Variants in SH2D6 observed in about 807,000 individuals in gnomAD.
The protein encoded by SH2D6 is SH2 domain-containing protein 6.
A neutral mutation model predicts 30.2 loss-of-function variants in SH2D6; 31 were observed. The ratio of observed to expected loss-of-function variants is 1.03; its 90% CI spans 0.77 to 1.38. The LOEUF (loss-of-function observed/expected upper bound fraction) is 1.38, where lower values mean the gene tolerates loss of function less well. Ranked by LOEUF, SH2D6 falls within the 40% of genes most tolerant of loss-of-function variation. The pLI is 0.00. For synonymous variants in SH2D6, 93 were observed against 104.6 expected, an observed-to-expected ratio of 0.89 and a Z score of 0.68; for missense variants, 240 against 266.8, an observed-to-expected ratio of 0.90 and a Z score of 0.70.
chr2:85,427,926 G>C (rs1209675490), intron 6 of SH2D6, among the ~76,000 whole-genome samples: 1 of 151,984 alleles, frequency 6.6e-6, no homozygotes, highest in Non-Finnish European at 1.5e-5. Flanking sequence ...CCCCAGCCTG[G>C]TGGCCCCCAA....
Position 85,431,887 on chromosome 2 carries a change from C to G in SH2D6, c.310-12C>G, listed in dbSNP as rs1172802892. 6.5e-6 allele frequency: 1 copy of G among 152,730 alleles called. No homozygotes were observed. Among genetic ancestry groups the G allele is most frequent in the East Asian group, 1.9e-4 (1 of 5,190 alleles). The allele number at this position is 152,730 out of a possible 1,614,324, so 9.5% of individuals were successfully genotyped here. ...TCACCATCTGCGCTCACCAGCCCCA[C>G]TGTGCCCACAGCTGAAGGGAGCAGT... On this transcript the variant is annotated splice_polypyrimidine_tract_variant and intron_variant, in intron 13 of 23. Transcript: ENST00000469800.
chr2:85,420,416 G>A lies in SH2D6; in HGVS notation c.-577+1172G>A, dbSNP rs538845458. ...ATTACAGGCATGAGCCACCGTGCCC[G>A]GACTGAGCCCATTCTCTTATTATTA... On this transcript the variant is annotated intron_variant, in intron 2 of 23. Coordinates refer to ENST00000469800, the MANE Select transcript of SH2D6 (RefSeq NM_001394463.1). Among the ~76,000 whole-genome samples, 52 of 152,314 alleles carry A rather than the reference G, an allele frequency of 3.4e-4. No individual in the cohort carries two copies. In the South Asian group the frequency reaches 9.5e-3, roughly 28 times the overall value.
intron 5 of SH2D6, among the ~76,000 whole-genome samples, chr2:85,424,195 C>G (rs1191177697): frequency 1.3e-5 from 2 of 152,222 alleles, no homozygotes; most frequent in Admixed American, 1.3e-4. Flanking sequence ...TGGGTTCCCA[C>G]TCTGCTGGGA....
chr2:85,432,464 A>G (rs1688826950), intron 14 of SH2D6, among the ~76,000 whole-genome samples: 1 of 151,486 alleles, frequency 6.6e-6, no homozygotes, highest in Non-Finnish European at 1.5e-5. Context: ...CAGTGGCGCA[A>G]TCTCGGCTCA....
At chr2:85,432,635 C>T (rs556957347) in intron 14 of SH2D6, among the ~76,000 whole-genome samples, 97 of 151,976 alleles carry the variant, frequency 6.4e-4, no homozygotes, top group African/African-American at 2.2e-3. Flanking sequence ...CTCCTGACCT[C>T]GTGATCCGCC....
At chr2:85,420,091 G>A (rs1040194416) in intron 2 of SH2D6, among the ~76,000 whole-genome samples, 5 of 149,522 alleles carry the variant, frequency 3.3e-5, no homozygotes, top group Admixed American at 2.7e-4. Context: ...AGCCCGTTCT[G>A]TTTTGTTTGT....
chr2:85,434,392 G>A (rs1174621957), intron 18 of SH2D6, 22 bp downstream of exon 18: 8 of 1,550,452 alleles, frequency 5.2e-6, no homozygotes, highest in African/African-American at 2.7e-5. Flanking sequence ...ATGGTCAGGG[G>A]AGAAGAGAGG....
At chr2:85,432,389 TTTTTG>T (rs1323545085) in intron 14 of SH2D6, among the ~76,000 whole-genome samples, 7 of 130,708 alleles carry the variant, frequency 5.4e-5, no homozygotes, top group African/African-American at 1.8e-4. Flanking sequence ...TTATTTATTT[TTTTTG>T]TTTTGTTTTG....
intron 5 of SH2D6, among the ~76,000 whole-genome samples, chr2:85,423,590 T>G (rs765240706): frequency 1.3e-5 from 2 of 152,164 alleles, no homozygotes; most frequent in Non-Finnish European, 2.9e-5. Flanking sequence ...GGATGGTCTC[T>G]CACAAAGCTC....
chr2:85,435,033 C>G (rs1167865152), intron 19 of SH2D6, 32 bp from the exon 20 acceptor site: 2 of 1,560,332 alleles, frequency 1.3e-6, no homozygotes, highest in South Asian at 2.3e-5. Flanking sequence ...CCCACCCCAC[C>G]CCACCCCAGC....
chr2:85,434,133 C>T, intron 17 of SH2D6, 22 bp downstream of exon 17: 2 of 1,548,696 alleles, frequency 1.3e-6, no homozygotes. Flanking sequence ...ACCAGGTGTG[C>T]ACCTGTGTGT....
intron 14 of SH2D6, among the ~76,000 whole-genome samples, chr2:85,432,680 G>A (rs945219256): frequency 2.6e-5 from 4 of 152,180 alleles, no homozygotes; most frequent in East Asian, 1.9e-4. Flanking sequence ...GATTACAGGC[G>A]TGAGCCACCG....
intron 7 of SH2D6, among the ~76,000 whole-genome samples, chr2:85,429,023 C>T (rs1435562739): frequency 6.6e-6 from 1 of 152,252 alleles, no homozygotes; most frequent in African/African-American, 2.4e-5. Flanking sequence ...GCTTCCCTCG[C>T]CTTCATCTCC....
At chr2:85,433,944 G>A (rs1249248776) in intron 16 of SH2D6, 89 bp from the exon 17 acceptor site, 8 of 1,109,016 alleles carry the variant, frequency 7.2e-6, no homozygotes, top group Non-Finnish European at 1.0e-5. Flanking sequence ...GAAGCAGCAG[G>A]CCCTGCAGCT....
chr2:85,435,343 C>G, intron 20 of SH2D6, 70 bp from the exon 21 acceptor site: 1 of 1,530,420 alleles, frequency 6.5e-7, no homozygotes, highest in Non-Finnish European at 9.0e-7. Context: ...TAACTGCACC[C>G]TGGGTCCTCG....
At chr2:85,434,236 G>A in intron 17 of SH2D6, 104 bp from the exon 18 acceptor site, 1 of 1,508,706 alleles carries the variant, frequency 6.6e-7, no homozygotes, top group South Asian at 1.3e-5. Flanking sequence ...TCCCATGGTT[G>A]TTGGCAGTGG....
At position 85,430,590 on chromosome 2, in the gene SH2D6, C is replaced by A. The variant is rs1688499395; in HGVS notation, c.188C>A (p.Ala63Asp). Residue 63 changes from alanine (A) to aspartate (D), a missense_variant, in exon 12 of 24, where the codon GCT becomes GAT. Coordinates refer to ENST00000469800, the MANE Select transcript of SH2D6 (RefSeq NM_001394463.1). The surrounding 1 kb of genome is among the most constrained non-coding windows in gnomAD (Gnocchi z 4.3). ...ENKYELPPCE[A>D]LPLSLAPAHL... The stretch of plus-strand genomic sequence containing the variant: ...AAGTATGAGCTGCCCCCCTGTGAGG[C>A]TCTGCCCCTCAGTCTAGCCCCTGCC... The A allele has an allele frequency of 6.5e-6, 1 of 153,154 alleles. No homozygotes were observed. The highest frequency in any genetic ancestry group is 6.5e-5 in the Admixed American group (1 of 15,286). The allele number at this position is 153,154 out of a possible 1,614,324, so 9.5% of individuals were successfully genotyped here.
intron 5 of SH2D6, among the ~76,000 whole-genome samples, chr2:85,423,683 G>T (rs1371768997): frequency 3.9e-5 from 6 of 152,222 alleles, no homozygotes; most frequent in African/African-American, 1.4e-4. Flanking sequence ...CCCTCGCTCT[G>T]TCAGCCCTTC....
intron 5 of SH2D6, among the ~76,000 whole-genome samples, chr2:85,423,217 T>C (rs1334542432): frequency 6.7e-6 from 1 of 149,156 alleles, no homozygotes; most frequent in East Asian, 2.0e-4. Flanking sequence ...GTTGTTGTTT[T>C]TGTTTTGTTT....
Sources: allele counts gnomAD v4.1 joint callset (sites outside exome capture counted in the v4.1 genomes callset), GRCh38; gene constraint gnomAD v4.1.1; non-coding constraint Gnocchi (gnomAD v3.1); transcripts MANE v1.5; gene names NCBI Gene and HGNC (gene_info 2026-07-23, HGNC 2026-07-21).